Variants in SLC6A6 observed in about 807,000 individuals in gnomAD.
The protein encoded by SLC6A6 is sodium- and chloride-dependent taurine transporter.
A neutral mutation model predicts 68.8 loss-of-function variants in SLC6A6; 16 were observed. That is an observed-to-expected ratio of 0.23 (90% CI 0.16 to 0.35). The LOEUF (loss-of-function observed/expected upper bound fraction) is 0.35, where lower values mean the gene tolerates loss of function less well. SLC6A6 is among the 10% of genes least tolerant of loss of function. The pLI is 1.00. For synonymous variants in SLC6A6, 312 were observed against 315.4 expected, an observed-to-expected ratio of 0.99 and a Z score of 0.12; for missense variants, 474 against 802.8, an observed-to-expected ratio of 0.59 and a Z score of 4.95.
chr3:14,440,260 C>T (rs1445673950), intron 2 of SLC6A6, among the ~76,000 whole-genome samples: 2 of 152,100 alleles, frequency 1.3e-5, no homozygotes, highest in Non-Finnish European at 2.9e-5. Flanking sequence ...AAGTGACTTT[C>T]AGCTTCTGGG....
intron 2 of SLC6A6, among the ~76,000 whole-genome samples, chr3:14,442,802 G>C (rs570742256): frequency 6.6e-6 from 1 of 152,340 alleles, no homozygotes; most frequent in Admixed American, 6.5e-5. Flanking sequence ...ACAGGGAGCC[G>C]GAGGGCAAGG....
chr3:14,441,788 C>T (rs1403727010), intron 2 of SLC6A6, among the ~76,000 whole-genome samples: 1 of 152,260 alleles, frequency 6.6e-6, no homozygotes, highest in Non-Finnish European at 1.5e-5. Context: ...ATTGGCAAAG[C>T]CAGGGTTTGC....
chr3:14,453,877 T>C (rs1700307472), intron 5 of SLC6A6, among the ~76,000 whole-genome samples: 1 of 152,098 alleles, frequency 6.6e-6, no homozygotes, highest in Non-Finnish European at 1.5e-5. Context: ...GTCCAAGGCC[T>C]TAAGGCAGGA....
At chr3:14,458,492 C>A (rs1700421190) in intron 6 of SLC6A6, among the ~76,000 whole-genome samples, 1 of 152,226 alleles carries the variant, frequency 6.6e-6, no homozygotes, top group Non-Finnish European at 1.5e-5. Flanking sequence ...GGTTAGCCAG[C>A]AACCGTGGTA....
Position 14,487,667 on chromosome 3 carries a change from A to G in SLC6A6, c.*2660A>G, listed in dbSNP as rs1296526444. ...GAGATGGGCCATGCTAGGGCCACAG[A>G]GATTTCCTGACGGTCAGGGAGAGAA... On this transcript the variant is annotated 3_prime_UTR_variant, in exon 15 of 15. Transcript: ENST00000622186. The G allele has an allele frequency of 6.6e-6, 1 of 152,210 alleles. No homozygotes were observed. The highest frequency in any genetic ancestry group is 1.5e-5 in the Non-Finnish European group (1 of 68,044). 9.4% of individuals were successfully genotyped at this position (152,210 alleles called of 1,614,324 possible).
At chr3:14,444,812 T>C in intron 3 of SLC6A6, 1 of 456,678 alleles carries the variant, frequency 2.2e-6, no homozygotes, top group Non-Finnish European at 4.4e-6. Flanking sequence ...TAGACCCAAG[T>C]TGCCCACAGT....
At chr3:14,424,177 T>G (rs1699540464) in intron 2 of SLC6A6, among the ~76,000 whole-genome samples, 1 of 152,038 alleles carries the variant, frequency 6.6e-6, no homozygotes, top group African/African-American at 2.4e-5. Flanking sequence ...GAATTGAAAG[T>G]CTGATCAGTC....
chr3:14,465,427 G>A (rs757937944), intron 6 of SLC6A6, among the ~76,000 whole-genome samples: 1 of 152,182 alleles, frequency 6.6e-6, no homozygotes, highest in Non-Finnish European at 1.5e-5. Context: ...CCTTTGAGAG[G>A]CCTCATTTTC....
In SLC6A6 at chr3:14,488,154, T is replaced by TA. The variant is rs1701223980; in HGVS notation, c.*3148dup. On this transcript the variant is annotated 3_prime_UTR_variant, in exon 15 of 15. Coordinates refer to ENST00000622186, the MANE Select transcript of SLC6A6 (RefSeq NM_003043.6). ...AGAAGCCAGAGGTGTGCCAGATCCT[T>TA]AGGCAGGATTTAGATGAAGTCGCCC... 6.6e-6 allele frequency: 1 copy of TA among 152,534 alleles called. No homozygotes were observed. The highest frequency in any genetic ancestry group is 2.1e-4 in the South Asian group (1 of 4,826). 9.4% of individuals were successfully genotyped at this position (152,534 alleles called of 1,614,324 possible). A position where few individuals can be genotyped will look rare whatever the true frequency, so the allele number is the denominator to read the frequency against.
In SLC6A6 at chr3:14,447,715, G is replaced by T; in HGVS notation, c.498G>T (p.Trp166Cys). The T allele has an allele frequency of 6.2e-7, 1 of 1,614,240 alleles. No individual in the cohort carries two copies. The highest frequency in any genetic ancestry group is 8.5e-7 in the Non-Finnish European group (1 of 1,180,034). Reference protein sequence around the residue: ...ELPWAHCNHSWNTPHCMEDTM... With the variant: ...ELPWAHCNHSCNTPHCMEDTM... ...CCTGGGCACACTGCAACCACAGCTG[G>T]AACACACCTCACTGCATGGAGGACA... The change falls in exon 5 of 15, where the codon TGG becomes TGT. Residue 166 changes from tryptophan (W) to cysteine (C), a missense_variant. By Grantham distance (215) the Trp-to-Cys change is radical. Coordinates refer to ENST00000622186, the MANE Select transcript of SLC6A6 (RefSeq NM_003043.6).
At chr3:14,431,975 A>G (rs527538010) in intron 2 of SLC6A6, among the ~76,000 whole-genome samples, 1 of 152,260 alleles carries the variant, frequency 6.6e-6, no homozygotes, top group East Asian at 1.9e-4. Context: ...TGAAGAGAGA[A>G]GGTGACTTGC....
At chr3:14,419,341 C>T (rs1365678882) in intron 2 of SLC6A6, among the ~76,000 whole-genome samples, 2 of 152,178 alleles carry the variant, frequency 1.3e-5, no homozygotes, top group East Asian at 1.9e-4. Flanking sequence ...GGTGTGCGCC[C>T]TCCTCACTGG....
In SLC6A6 at chr3:14,485,098, A is replaced by G; in HGVS notation, c.*91A>G. ...CAGGTTTACAGAGCTTTATATTTGCACTAGGATTTTTTTTTTTTTGTAATT... is the reference window on the plus strand; with the variant it reads ...CAGGTTTACAGAGCTTTATATTTGCGCTAGGATTTTTTTTTTTTTGTAATT... On this transcript the variant is annotated 3_prime_UTR_variant, in exon 15 of 15. Transcript: ENST00000622186. 1 of 1,145,624 alleles carries G rather than the reference A, an allele frequency of 8.7e-7. No individual in the cohort carries two copies. The highest frequency in any genetic ancestry group is 1.2e-6 in the Non-Finnish European group (1 of 842,648). 71.0% of individuals were successfully genotyped at this position (1,145,624 alleles called of 1,614,324 possible).
chr3:14,451,036 A>T lies in SLC6A6; in HGVS notation c.599+3220A>T, dbSNP rs184056823. 2.0e-5 allele frequency among the ~76,000 whole-genome samples: 3 copies of T among 152,164 alleles called. No homozygotes were observed. In the East Asian group the frequency reaches 5.8e-4, roughly 29 times the overall value. On this transcript the variant is annotated intron_variant, in intron 5 of 14. Transcript: ENST00000622186. ...ACTGTCCCCATGCACTGTCACCCCC[A>T]TGGGACCCCCATCACTCTCCTGGAC... is the stretch of plus-strand genomic sequence containing the variant.
intron 6 of SLC6A6, among the ~76,000 whole-genome samples, chr3:14,464,291 A>G (rs1374170674): frequency 3.3e-5 from 5 of 152,156 alleles, no homozygotes; most frequent in East Asian, 3.9e-4. Flanking sequence ...CTGGTCTGCT[A>G]TGTGTGGGCT....
intron 2 of SLC6A6, among the ~76,000 whole-genome samples, chr3:14,424,899 C>T (rs996677290): frequency 6.6e-6 from 1 of 152,124 alleles, no homozygotes; most frequent in South Asian, 2.1e-4. Context: ...GAAGGAAGCT[C>T]GGTCGAAGCC....
At position 14,443,824 on chromosome 3, in the gene SLC6A6, G is replaced by T; in HGVS notation, c.190G>T (p.Val64Phe). ...TGGCGGCTTCGTGGGCTTGGGCAAC[G>T]TCTGGCGCTTCCCGTACCTCTGCTA... Reference protein sequence around the residue: ...VAGGFVGLGNVWRFPYLCYKN... With the variant: ...VAGGFVGLGNFWRFPYLCYKN... The change falls in exon 3 of 15, where the codon GTC (valine) becomes TTC (phenylalanine). Residue 64 changes from valine (V) to phenylalanine (F), a missense_variant. By Grantham distance (50) the Val-to-Phe change is conservative (BLOSUM62 -1). Around this residue, in one of 2 missense-constraint regions of SLC6A6, gnomAD observed 280 missense variants for 533.1 expected, o/e 0.53. Coordinates refer to ENST00000622186, the MANE Select transcript of SLC6A6 (RefSeq NM_003043.6). 9 of 1,614,090 alleles carry T rather than the reference G, an allele frequency of 5.6e-6. No homozygotes were observed. Among genetic ancestry groups the T allele is most frequent in the Non-Finnish European group, 7.6e-6 (9 of 1,179,942 alleles).
intron 5 of SLC6A6, among the ~76,000 whole-genome samples, chr3:14,455,063 C>T (rs146841531): frequency 1.3e-5 from 2 of 152,296 alleles, no homozygotes; most frequent in African/African-American, 2.4e-5. Flanking sequence ...TTTCACTCTA[C>T]AGACAGCACT....
At chr3:14,447,432 C>A in intron 4 of SLC6A6, 150 bp from the exon 5 acceptor site, 1 of 907,446 alleles carries the variant, frequency 1.1e-6, no homozygotes, top group Non-Finnish European at 1.7e-6. Context: ...AACCAGCCAT[C>A]CATTCACCCT....
Sources: gnomAD v4.1 joint callset for allele counts (sites outside exome capture counted in the v4.1 genomes callset) on GRCh38, gnomAD v4.1.1 for gene constraint, gnomAD v4.1.1 regional missense constraint, MANE v1.5 for transcripts, NCBI Gene and HGNC (gene_info 2026-07-23, HGNC 2026-07-21) for gene names.